Variants in VSNL1 observed in about 807,000 individuals in gnomAD.
The protein encoded by VSNL1 is visinin-like protein 1.
VSNL1 carries 6 observed loss-of-function variants against 20.4 expected under a neutral mutation model. The ratio of observed to expected loss-of-function variants is 0.29; its 90% CI spans 0.16 to 0.58. The LOEUF is 0.58. Ranked by LOEUF, VSNL1 falls within the 20% of genes least tolerant of loss-of-function variation. VSNL1 has a pLI of 0.90. For missense variants in VSNL1, 100 were observed against 234.5 expected (o/e 0.43, Z 3.75); for synonymous variants, 93 against 86.4 (o/e 1.08, Z -0.42).
At chr2:17,568,398 G>A (rs1221543063) in intron 1 of VSNL1, among the ~76,000 whole-genome samples, 3 of 152,106 alleles carry the variant, frequency 2.0e-5, no homozygotes, top group Non-Finnish European at 4.4e-5. Flanking sequence ...CTCCCCAGTA[G>A]CTAGGACTAT....
chr2:17,621,870 C>G (rs374976919), intron 2 of VSNL1, among the ~76,000 whole-genome samples: 1 of 152,150 alleles, frequency 6.6e-6, no homozygotes, highest in African/African-American at 2.4e-5. Context: ...GTACTCTGAT[C>G]CTCCAGCCTC....
At chr2:17,548,107 T>G (rs1295705832) in intron 1 of VSNL1, among the ~76,000 whole-genome samples, 1 of 152,112 alleles carries the variant, frequency 6.6e-6, no homozygotes, top group African/African-American at 2.4e-5. Flanking sequence ...TGAGCTACTC[T>G]TTCATTCTTT....
At chr2:17,635,588 G>A (rs1025666517) in intron 2 of VSNL1, among the ~76,000 whole-genome samples, 13 of 152,170 alleles carry the variant, frequency 8.5e-5, no homozygotes, top group African/African-American at 3.1e-4. Context: ...TCACAATTTA[G>A]CTCCTGCCGT....
At chr2:17,572,143 A>C (rs1348308224) in intron 1 of VSNL1, among the ~76,000 whole-genome samples, 1 of 152,206 alleles carries the variant, frequency 6.6e-6, no homozygotes, top group East Asian at 1.9e-4. Flanking sequence ...TTTCACTCTC[A>C]AAGTATGCTT....
intron 2 of VSNL1, among the ~76,000 whole-genome samples, chr2:17,616,600 A>G (rs1438186510): frequency 6.6e-6 from 1 of 152,240 alleles, no homozygotes; most frequent in African/African-American, 2.4e-5. Context: ...TTGGCCACCC[A>G]CAGTGAGCTC....
intron 2 of VSNL1, among the ~76,000 whole-genome samples, chr2:17,646,661 ATTAT>A (rs1467320799): frequency 3.3e-5 from 5 of 152,218 alleles, no homozygotes; most frequent in Non-Finnish European, 1.5e-5. Flanking sequence ...TATCTGTCAT[ATTAT>A]TTATAGATTA....
chr2:17,655,531 T>A lies in VSNL1; in HGVS notation c.*137T>A. ...TTGCTTGGACTACCTATAAATGGAC[T>A]TGCTTCTTGTGTTTGAAACACTCGT... On this transcript the variant is annotated 3_prime_UTR_variant, in exon 4 of 4. Transcript: ENST00000295156. This position sits in a 1 kb window ranked among gnomAD's most constrained non-coding sequence, Gnocchi z 5.2. The A allele has an allele frequency of 1.2e-6, 1 of 804,262 alleles. No individual in the cohort carries two copies. Among genetic ancestry groups the A allele is most frequent in the South Asian group, 1.9e-5 (1 of 52,456 alleles). 49.8% of individuals were successfully genotyped at this position (804,262 alleles called of 1,614,324 possible).
rs183706437 is a variant in VSNL1, at chr2:17,559,818, T to A, written c.-6+18900T>A. ...TAGAAAAGAAAAAGACTTCTATCTA[T>A]CCCTGAAAAACACTATAATAAAAAA... On this transcript the variant is annotated intron_variant, in intron 1 of 3. Transcript: ENST00000295156. 2.3e-4 allele frequency among the ~76,000 whole-genome samples: 35 copies of A among 151,970 alleles called. 1 individual carries two copies. In the East Asian group the frequency reaches 3.5e-3, roughly 15 times the overall value.
chr2:17,632,938 G>T lies in VSNL1; in HGVS notation c.163-16472G>T, dbSNP rs569327508. Among the ~76,000 whole-genome samples the T allele has an allele frequency of 3.9e-5, 6 of 152,344 alleles. No homozygotes were observed. In the East Asian group the frequency reaches 7.7e-4, roughly 20 times the overall value. On this transcript the variant is annotated intron_variant, in intron 2 of 3. Transcript: ENST00000295156. ...GGAAGCCAAGGCAGGCAGATCACTT[G>T]AAGCTGGGAGTTCAAGACCACTCTG...
At chr2:17,610,515 C>CT (rs1001719543) in intron 2 of VSNL1, among the ~76,000 whole-genome samples, 10 of 150,348 alleles carry the variant, frequency 6.7e-5, no homozygotes, top group South Asian at 2.1e-4. Context: ...CACTTGCAAT[C>CT]TTTTTTTTTT....
intron 1 of VSNL1, among the ~76,000 whole-genome samples, chr2:17,551,916 A>AAAAAG (rs375516466): frequency 6.7e-6 from 1 of 149,586 alleles, no homozygotes; most frequent in African/African-American, 2.5e-5. Flanking sequence ...AAAAAAAAAA[A>AAAAAG]GCCCAGGCGT....
At chr2:17,583,285 G>C (rs185067320) in intron 1 of VSNL1, among the ~76,000 whole-genome samples, 3 of 152,212 alleles carry the variant, frequency 2.0e-5, no homozygotes, top group Non-Finnish European at 4.4e-5. Context: ...CAGGTGAAGC[G>C]GGACACTCCA....
chr2:17,547,533 TTAAG>T (rs1663430387), intron 1 of VSNL1, among the ~76,000 whole-genome samples: 1 of 151,964 alleles, frequency 6.6e-6, no homozygotes, highest in African/African-American at 2.4e-5. Flanking sequence ...CAGAACAAAA[TTAAG>T]TAAGATACAA....
rs377572369 is a variant in VSNL1 at position 17,601,526 on chromosome 2, C to T, written c.162+9290C>T. ...TGGTGCATGTCTGTAATCCCAACTA[C>T]TGGGGAGGCTGAGGCAGAAGAATTG... On this transcript the variant is annotated intron_variant, in intron 2 of 3. Coordinates refer to ENST00000295156, the MANE Select transcript of VSNL1 (RefSeq NM_003385.5). 2.1e-4 allele frequency among the ~76,000 whole-genome samples: 32 copies of T among 152,118 alleles called. No homozygotes were observed. The South Asian group carries it at 6.4e-3, about 31-fold the overall frequency.
intron 2 of VSNL1, among the ~76,000 whole-genome samples, chr2:17,620,944 A>G (rs901762388): frequency 1.3e-5 from 2 of 152,228 alleles, no homozygotes; most frequent in African/African-American, 4.8e-5. Flanking sequence ...TCTCACATCC[A>G]AGCATAATAA....
At chr2:17,594,735 GA>G (rs1664674453) in intron 2 of VSNL1, among the ~76,000 whole-genome samples, 1 of 152,118 alleles carries the variant, frequency 6.6e-6, no homozygotes, top group South Asian at 2.1e-4. Context: ...CCCTTTCCAG[GA>G]GGAAGTCAAC....
intron 2 of VSNL1, among the ~76,000 whole-genome samples, chr2:17,621,713 G>T (rs764459151): frequency 3.9e-5 from 6 of 152,112 alleles, no homozygotes; most frequent in Non-Finnish European, 7.3e-5. Context: ...GTACAGCCTC[G>T]AACCCCTGGG....
At chr2:17,589,088 G>A (rs1664541130) in intron 1 of VSNL1, among the ~76,000 whole-genome samples, 1 of 152,108 alleles carries the variant, frequency 6.6e-6, no homozygotes, top group Non-Finnish European at 1.5e-5. Context: ...GAGAGTCCAC[G>A]AAGGTTTCAT....
chr2:17,649,700 T>G lies in VSNL1; in HGVS notation c.378+75T>G. 7.2e-7 allele frequency: 1 copy of G among 1,397,000 alleles called. No individual in the cohort carries two copies. The highest frequency in any genetic ancestry group is 1.2e-5 in the South Asian group (1 of 81,924). 86.5% of individuals were successfully genotyped at this position (1,397,000 alleles called of 1,614,324 possible). ...ACGGCAGCCTCCTAGGTGCAGGCCT[T>G]AGTGGCTTCTTCTCTCTCTGCTCGA... On this transcript the variant is annotated intron_variant, in intron 3 of 3. Transcript: ENST00000295156. This position sits in a 1 kb window ranked among gnomAD's most constrained non-coding sequence, Gnocchi z 6.4.
Sources: allele counts gnomAD v4.1 joint callset (sites outside exome capture counted in the v4.1 genomes callset), GRCh38; gene constraint gnomAD v4.1.1; non-coding constraint Gnocchi (gnomAD v3.1); transcripts MANE v1.5; gene names NCBI Gene and HGNC (gene_info 2026-07-23, HGNC 2026-07-21).